PHACTR1: variants seen among roughly 807,000 people sequenced by gnomAD.
PHACTR1 encodes the protein phosphatase and actin regulator 1.
Under a neutral mutation model 69.2 loss-of-function variants are expected in PHACTR1, and 16 were observed. The observed-to-expected ratio is 0.23, with a 90% CI of 0.16 to 0.35. The LOEUF is 0.35. PHACTR1 is among the 10% of genes least tolerant of loss of function. The probability of loss-of-function intolerance (pLI) is 1.00; values close to 1 mark genes in which losing one functional copy is unlikely to be tolerated. For missense variants in PHACTR1, 510 were observed against 734.7 expected (o/e 0.69, Z 3.54); for synonymous variants, 312 against 284.5 (o/e 1.10, Z -0.97).
intron 10 of PHACTR1, among the ~76,000 whole-genome samples, chr6:13,261,220 G>C (rs1775866457): frequency 6.6e-6 from 1 of 152,234 alleles, no homozygotes; most frequent in Non-Finnish European, 1.5e-5. Flanking sequence ...GGTGAGAGGG[G>C]TGAGCTGGAG....
intron 4 of PHACTR1, among the ~76,000 whole-genome samples, chr6:12,939,950 G>A (rs1789893990): frequency 6.6e-6 from 1 of 152,206 alleles, no homozygotes; most frequent in South Asian, 2.1e-4. Context: ...AATCCCAGAT[G>A]CTTCTGTCCT....
At chr6:13,213,816 C>T (rs551713017) in intron 8 of PHACTR1, among the ~76,000 whole-genome samples, 17 of 152,180 alleles carry the variant, frequency 1.1e-4, no homozygotes, top group Admixed American at 3.3e-4. Context: ...TTTCCAGCCC[C>T]GACAACTGTG....
intron 4 of PHACTR1, among the ~76,000 whole-genome samples, chr6:12,803,943 A>G (rs1038339976): frequency 6.6e-6 from 1 of 152,252 alleles, no homozygotes; most frequent in African/African-American, 2.4e-5. Context: ...TCCAGGGAAA[A>G]GAACAAAATT....
intron 4 of PHACTR1, among the ~76,000 whole-genome samples, chr6:12,812,057 T>A (rs1422718801): frequency 6.6e-6 from 1 of 152,198 alleles, no homozygotes; most frequent in Non-Finnish European, 1.5e-5. Context: ...AATAGCATTT[T>A]GTCCATTCAC....
intron 5 of PHACTR1, among the ~76,000 whole-genome samples, chr6:13,106,494 T>TA (rs1816162687): frequency 6.6e-6 from 1 of 152,152 alleles, no homozygotes; most frequent in Admixed American, 6.6e-5. Context: ...TTTTATTTCT[T>TA]AAAAAACAAG....
intron 5 of PHACTR1, among the ~76,000 whole-genome samples, chr6:13,141,724 C>CTTTTTTTTTTTTTTTTTTTTTT (rs577073698): frequency 5.6e-5 from 5 of 89,806 alleles, no homozygotes; most frequent in African/African-American, 8.3e-5. Context: ...TTTCTTCTTT[C>CTTTTTTTTTTTTTTTTTTTTTT]TTTTTTTTTT....
intron 8 of PHACTR1, among the ~76,000 whole-genome samples, chr6:13,224,359 C>T (rs927324213): frequency 2.6e-5 from 4 of 152,200 alleles, no homozygotes; most frequent in Non-Finnish European, 5.9e-5. Context: ...GGTTTGGGAA[C>T]ACATTCCAGG....
intron 5 of PHACTR1, among the ~76,000 whole-genome samples, chr6:13,080,117 G>A (rs147645503): frequency 0.012 from 1,831 of 152,074 alleles, 16 homozygotes; most frequent in Non-Finnish European, 0.02. Flanking sequence ...CTTCCACTTA[G>A]GGCAACCCTG....
At chr6:12,747,529 G>C (rs1765949782) in intron 3 of PHACTR1, among the ~76,000 whole-genome samples, 1 of 152,010 alleles carries the variant, frequency 6.6e-6, no homozygotes, top group African/African-American at 2.4e-5. Context: ...AGTTGGGCAT[G>C]GTGGTGCATG....
chr6:13,158,963 T>C (rs1758582753), intron 5 of PHACTR1, among the ~76,000 whole-genome samples: 1 of 152,262 alleles, frequency 6.6e-6, no homozygotes, highest in Non-Finnish European at 1.5e-5. Flanking sequence ...TCAAAGGCTG[T>C]GGAGGTTGAG....
intron 4 of PHACTR1, among the ~76,000 whole-genome samples, chr6:12,770,265 CAGACCCTG>C (rs1295522475): frequency 1.1e-4 from 17 of 152,326 alleles, no homozygotes; most frequent in African/African-American, 4.1e-4. Context: ...CTCCTATGCC[CAGACCCTG>C]TGTAGACACT....
chr6:13,189,992 A>G (rs1274201327), intron 7 of PHACTR1, among the ~76,000 whole-genome samples: 1 of 148,408 alleles, frequency 6.7e-6, no homozygotes, highest in African/African-American at 2.5e-5. Context: ...CATAACAGGG[A>G]GAGAGAAAGA....
At chr6:12,759,211 A>G (rs1767745315) in intron 4 of PHACTR1, among the ~76,000 whole-genome samples, 1 of 151,396 alleles carries the variant, frequency 6.6e-6, no homozygotes, top group Non-Finnish European at 1.5e-5. Context: ...ATACATATTT[A>G]TTATAATTGA....
chr6:13,229,940 A>C, intron 9 of PHACTR1, 97 bp from the exon 10 acceptor site: 1 of 1,370,962 alleles, frequency 7.3e-7, no homozygotes, highest in South Asian at 1.5e-5. Flanking sequence ...AACCTTGATG[A>C]CTTCCTTCCT....
intron 4 of PHACTR1, among the ~76,000 whole-genome samples, chr6:12,997,170 A>T (rs1797520650): frequency 6.6e-6 from 1 of 151,134 alleles, no homozygotes; most frequent in African/African-American, 2.4e-5. Flanking sequence ...TCCATCTCAA[A>T]AAAAGAAAAA....
chr6:12,826,758 G>T (rs983249768), intron 4 of PHACTR1, among the ~76,000 whole-genome samples: 1 of 152,096 alleles, frequency 6.6e-6, no homozygotes, highest in African/African-American at 2.4e-5. Flanking sequence ...CAATATAAAG[G>T]AAATAATAAC....
chr6:13,268,589 A>G (rs915323321), intron 10 of PHACTR1, among the ~76,000 whole-genome samples: 1 of 152,254 alleles, frequency 6.6e-6, no homozygotes, highest in Non-Finnish European at 1.5e-5. Flanking sequence ...TTATTAAACT[A>G]GTATTTATGA....
chr6:13,000,483 G>A (rs1219866037), intron 4 of PHACTR1, among the ~76,000 whole-genome samples: 2 of 152,078 alleles, frequency 1.3e-5, no homozygotes, highest in African/African-American at 4.8e-5. Context: ...AGGAGGTCCA[G>A]GCTGCAGTGA....
intron 4 of PHACTR1, among the ~76,000 whole-genome samples, chr6:12,873,426 A>G (rs981852171): frequency 6.6e-6 from 1 of 152,172 alleles, no homozygotes; most frequent in Non-Finnish European, 1.5e-5. Context: ...GCAAACATAA[A>G]TAAAACTCAA....
Sources: gnomAD v4.1 joint callset for allele counts (sites outside exome capture counted in the v4.1 genomes callset) on GRCh38, gnomAD v4.1.1 for gene constraint, MANE v1.5 for transcripts, NCBI Gene and HGNC (gene_info 2026-07-23, HGNC 2026-07-21) for gene names.